The following CAMK2D variants were observed in gnomAD, a reference collection of about 807,000 sequenced individuals.
The protein encoded by CAMK2D is calcium/calmodulin dependent protein kinase II delta.
In CAMK2D, 37 loss-of-function variants were observed where a neutral mutation model predicts 84.0. That is an observed-to-expected ratio of 0.44 (90% CI 0.34 to 0.58). The LOEUF is 0.58. CAMK2D is among the 20% of genes least tolerant of loss of function. CAMK2D has a pLI of 0.02. For missense variants in CAMK2D, 448 were observed against 652.5 expected, an observed-to-expected ratio of 0.69 and a Z score of 3.41; for synonymous variants, 202 against 212.5, an observed-to-expected ratio of 0.95 and a Z score of 0.43.
intron 2 of CAMK2D, among the ~76,000 whole-genome samples, chr4:113,692,286 C>T (rs1447464740): frequency 6.6e-6 from 1 of 152,040 alleles, no homozygotes; most frequent in African/African-American, 2.4e-5. Context: ...TAAGTAACAT[C>T]AATTTGATAT....
At chr4:113,691,732 G>A (rs762442608) in intron 2 of CAMK2D, among the ~76,000 whole-genome samples, 12 of 151,994 alleles carry the variant, frequency 7.9e-5, no homozygotes, top group South Asian at 2.1e-4. Context: ...CACCCTGGGC[G>A]ACAGAGAGAC....
At chr4:113,504,028 T>C (rs1325329201) in intron 14 of CAMK2D, among the ~76,000 whole-genome samples, 1 of 152,194 alleles carries the variant, frequency 6.6e-6, no homozygotes, top group Non-Finnish European at 1.5e-5. Flanking sequence ...CATTGTTTTT[T>C]ACTAGTAGAT....
chr4:113,711,096 C>T (rs200440377), intron 2 of CAMK2D, among the ~76,000 whole-genome samples: 1 of 149,718 alleles, frequency 6.7e-6, no homozygotes, highest in East Asian at 1.9e-4. Flanking sequence ...TTTTAGATTT[C>T]AATGAATTTA....
At position 113,455,801 on chromosome 4, in the gene CAMK2D, C is replaced by G. The variant is rs763492401; in HGVS notation, c.1556G>C (p.Gly519Ala). ...GGTGCCTCCTGAGAAGTTTTCTTTC[C>G]CATTTGGAATACAGGGTGGCCTATT... ...VPIKPPCIPN[G>A]KENFSGGTSL... The change falls in exon 20 of 21, where the codon GGG becomes GCG. Residue 519 changes from glycine (G) to alanine (A), a missense_variant. By Grantham distance (60) the Gly-to-Ala change is moderately conservative. Coordinates refer to ENST00000511664, the MANE Select transcript of CAMK2D (RefSeq NM_001321571.2). The G allele has an allele frequency of 1.9e-6, 3 of 1,611,338 alleles. No individual in the cohort carries two copies. Among genetic ancestry groups the G allele is most frequent in the Non-Finnish European group, 2.5e-6 (3 of 1,177,916 alleles).
chr4:113,671,752 C>T (rs781183695), intron 2 of CAMK2D, among the ~76,000 whole-genome samples: 3 of 152,154 alleles, frequency 2.0e-5, no homozygotes, highest in South Asian at 2.1e-4. Context: ...CATGAGATAA[C>T]GATGTTGACA....
chr4:113,675,201 T>A (rs1015552936), intron 2 of CAMK2D, among the ~76,000 whole-genome samples: 1 of 152,196 alleles, frequency 6.6e-6, no homozygotes, highest in Non-Finnish European at 1.5e-5. Context: ...AGATTCTCAC[T>A]GAAAAACATG....
intron 17 of CAMK2D, among the ~76,000 whole-genome samples, chr4:113,462,703 T>C (rs1337768826): frequency 6.6e-6 from 1 of 152,138 alleles, no homozygotes; most frequent in African/African-American, 2.4e-5. Context: ...TTGCTCCCTA[T>C]ATAACAGTAG....
chr4:113,608,217 C>T (rs528308604), intron 4 of CAMK2D, among the ~76,000 whole-genome samples: 2 of 152,246 alleles, frequency 1.3e-5, no homozygotes, highest in Admixed American at 6.5e-5. Context: ...ATGGAAAGAA[C>T]GTGGTTTCTT....
chr4:113,753,011 AAG>A (rs1432476963), intron 2 of CAMK2D, among the ~76,000 whole-genome samples: 1 of 152,114 alleles, frequency 6.6e-6, no homozygotes, highest in African/African-American at 2.4e-5. Context: ...CAGACAGATT[AAG>A]ATAAGTCCTC....
chr4:113,587,404 T>C (rs1309911960), intron 4 of CAMK2D, among the ~76,000 whole-genome samples: 1 of 152,228 alleles, frequency 6.6e-6, no homozygotes, highest in East Asian at 1.9e-4. Flanking sequence ...TTTGTGACTA[T>C]GGCTTTTTAC....
intron 2 of CAMK2D, among the ~76,000 whole-genome samples, chr4:113,750,504 T>C (rs1191876817): frequency 6.6e-6 from 1 of 152,188 alleles, no homozygotes; most frequent in Non-Finnish European, 1.5e-5. Flanking sequence ...TCACAGCCCT[T>C]TCACTAACTC....
At chr4:113,494,286 C>T (rs2097892841) in intron 16 of CAMK2D, among the ~76,000 whole-genome samples, 1 of 152,168 alleles carries the variant, frequency 6.6e-6, no homozygotes, top group African/African-American at 2.4e-5. Context: ...TACTTTTGGT[C>T]TTTGATGATG....
intron 16 of CAMK2D, among the ~76,000 whole-genome samples, chr4:113,475,691 CT>C (rs1339952154): frequency 1.3e-5 from 2 of 152,222 alleles, no homozygotes; most frequent in Non-Finnish European, 2.9e-5. Context: ...GTCTCTTCTT[CT>C]GGAAGAGACT....
chr4:113,480,464 T>C lies in CAMK2D; in HGVS notation c.1136-14860A>G, dbSNP rs557107621. ...AATGTATGCGTCCCTACAAAGTCCA[T>C]GTTGCACCTTAATACCAAACATTGA... is the stretch of plus-strand genomic sequence containing the variant. On this transcript the variant is annotated intron_variant, in intron 16 of 20. Coordinates refer to ENST00000511664, the MANE Select transcript of CAMK2D (RefSeq NM_001321571.2). Among the ~76,000 whole-genome samples the C allele has an allele frequency of 1.1e-4, 17 of 152,148 alleles. 1 individual carries two copies. In the South Asian group the frequency reaches 2.3e-3, roughly 20 times the overall value.
At chr4:113,472,447 T>C (rs1180431476) in intron 16 of CAMK2D, among the ~76,000 whole-genome samples, 1 of 152,242 alleles carries the variant, frequency 6.6e-6, no homozygotes. Context: ...GCAGATTTAA[T>C]CTTAAAAGTT....
chr4:113,548,732 G>A (rs776668070), intron 5 of CAMK2D: 1 of 1,518,580 alleles, frequency 6.6e-7, no homozygotes, highest in South Asian at 1.1e-5. Flanking sequence ...TACAATGACT[G>A]CAAAGATACA....
intron 2 of CAMK2D, among the ~76,000 whole-genome samples, chr4:113,690,748 T>C (rs1363192950): frequency 6.6e-6 from 1 of 152,226 alleles, no homozygotes; most frequent in Non-Finnish European, 1.5e-5. Context: ...TTTGAATTAA[T>C]GTATTCACAT....
chr4:113,480,396 T>C (rs568403477), intron 16 of CAMK2D, among the ~76,000 whole-genome samples: 2 of 152,280 alleles, frequency 1.3e-5, no homozygotes, highest in South Asian at 4.1e-4. Context: ...GCGTCCTCCA[T>C]TCCAATAGGA....
At chr4:113,543,077 A>G (rs1220678894) in intron 6 of CAMK2D, among the ~76,000 whole-genome samples, 3 of 152,260 alleles carry the variant, frequency 2.0e-5, no homozygotes, top group Non-Finnish European at 2.9e-5. Context: ...CATTTCGGGT[A>G]CATTTGAACT....
Sources: allele counts gnomAD v4.1 joint callset (sites outside exome capture counted in the v4.1 genomes callset), GRCh38; gene constraint gnomAD v4.1.1; transcripts MANE v1.5; gene names NCBI Gene and HGNC (gene_info 2026-07-23, HGNC 2026-07-21).